Variants in DAB1 observed in about 807,000 individuals in gnomAD.
The protein encoded by DAB1 is DAB adaptor protein 1, also known as disabled homolog 1.
A neutral mutation model predicts 64.6 loss-of-function variants in DAB1; 15 were observed. That is an observed-to-expected ratio of 0.23 (90% CI 0.16 to 0.36). The LOEUF (loss-of-function observed/expected upper bound fraction) is 0.36, where lower values mean the gene tolerates loss of function less well. DAB1 is among the 10% of genes least tolerant of loss of function. The probability of loss-of-function intolerance (pLI) is 1.00; values close to 1 mark genes in which losing one functional copy is unlikely to be tolerated. For missense variants in DAB1, 596 were observed against 706.7 expected (o/e 0.84, Z 1.78); for synonymous variants, 235 against 251.9 (o/e 0.93, Z 0.64).
chr1:57,933,646 C>T (rs12047753), intron 5 of DAB1, among the ~76,000 whole-genome samples: 2 of 152,160 alleles, frequency 1.3e-5, no homozygotes, highest in African/African-American at 4.8e-5. Context: ...AACACATGAT[C>T]TATTTCTAGC....
At chr1:58,317,973 C>T (rs376789520) in intron 4 of DAB1, among the ~76,000 whole-genome samples, 15 of 152,202 alleles carry the variant, frequency 9.9e-5, no homozygotes, top group African/African-American at 3.6e-4. Flanking sequence ...TAATGAGCAG[C>T]ACAATGCCTG....
intron 6 of DAB1, among the ~76,000 whole-genome samples, chr1:57,676,553 G>T (rs902484148): frequency 6.6e-6 from 1 of 152,178 alleles, no homozygotes; most frequent in African/African-American, 2.4e-5. Flanking sequence ...TTGCCCCTGA[G>T]AACTCAACCA....
At chr1:57,133,421 G>A (rs1255916542) in intron 4 of DAB1, among the ~76,000 whole-genome samples, 1 of 152,172 alleles carries the variant, frequency 6.6e-6, no homozygotes, top group Non-Finnish European at 1.5e-5. Context: ...GAACCTCACT[G>A]CCCTTATCTG....
chr1:57,507,789 C>T (rs773999956), intron 7 of DAB1, among the ~76,000 whole-genome samples: 10 of 152,130 alleles, frequency 6.6e-5, no homozygotes, highest in Admixed American at 3.3e-4. Context: ...TCTGAATTTC[C>T]GTGGTCGGTT....
At chr1:58,088,412 C>G (rs1414701974) in intron 5 of DAB1, among the ~76,000 whole-genome samples, 1 of 152,194 alleles carries the variant, frequency 6.6e-6, no homozygotes, top group African/African-American at 2.4e-5. Flanking sequence ...ATTTGCCCAT[C>G]TATTTAAAAA....
chr1:57,417,681 T>A (rs891120456), intron 1 of DAB1, among the ~76,000 whole-genome samples: 2 of 152,210 alleles, frequency 1.3e-5, no homozygotes, highest in African/African-American at 4.8e-5. Context: ...GAACTTATTT[T>A]TCCCTCTGAG....
At chr1:57,108,457 C>T (rs960944764) in intron 4 of DAB1, among the ~76,000 whole-genome samples, 2 of 152,198 alleles carry the variant, frequency 1.3e-5, no homozygotes, top group African/African-American at 4.8e-5. Context: ...TCCTGAACCT[C>T]TAACCAGGCT....
intron 5 of DAB1, among the ~76,000 whole-genome samples, chr1:57,944,697 T>C (rs1645157959): frequency 2.0e-5 from 3 of 152,202 alleles, no homozygotes; most frequent in Non-Finnish European, 4.4e-5. Flanking sequence ...TATCTCTTCA[T>C]GTTAGCGTAA....
chr1:57,091,329 G>A (rs549528), intron 4 of DAB1, among the ~76,000 whole-genome samples: 79,579 of 151,922 alleles, frequency 0.52, 21,266 homozygotes, highest in South Asian at 0.64. Flanking sequence ...GTAGACCCAC[G>A]GAATATAAGA....
intron 4 of DAB1, among the ~76,000 whole-genome samples, chr1:58,181,394 T>G (rs868021709): frequency 6.6e-6 from 1 of 152,148 alleles, no homozygotes; most frequent in Non-Finnish European, 1.5e-5. Context: ...TTATCCAGTC[T>G]GACAATCTGC....
At chr1:57,415,345 C>G (rs1454816213) in intron 1 of DAB1, among the ~76,000 whole-genome samples, 2 of 150,552 alleles carry the variant, frequency 1.3e-5, no homozygotes, top group Non-Finnish European at 3.0e-5. Context: ...AACAATAAAG[C>G]TTTTAGAAGA....
At chr1:57,545,485 C>T (rs953926278) in intron 7 of DAB1, among the ~76,000 whole-genome samples, 1 of 152,188 alleles carries the variant, frequency 6.6e-6, no homozygotes, top group Non-Finnish European at 1.5e-5. Flanking sequence ...GTGCTGGGAA[C>T]TTCCCTCAGT....
Position 57,159,203 on chromosome 1 carries a change from T to G in DAB1, c.68-13774A>C, listed in dbSNP as rs1402950073. Among the ~76,000 whole-genome samples the G allele has an allele frequency of 2.6e-5, 4 of 152,292 alleles. No individual in the cohort carries two copies. The South Asian group carries it at 6.2e-4, about 24-fold the overall frequency. ...TTTTTTCTTCCTCTGGGTCTTTTAT[T>G]GTATTTGAAAAATATATTTTAAGAC... is the stretch of plus-strand genomic sequence containing the variant. On this transcript the variant is annotated intron_variant, in intron 2 of 14. Transcript: ENST00000371236.
chr1:57,881,623 G>A (rs1332259995), intron 1 of DAB1, among the ~76,000 whole-genome samples: 2 of 152,136 alleles, frequency 1.3e-5, no homozygotes, highest in Non-Finnish European at 2.9e-5. Flanking sequence ...GACACAATAC[G>A]TGACATAGCA....
chr1:58,249,991 G>A (rs940394889), intron 4 of DAB1, among the ~76,000 whole-genome samples: 7 of 152,192 alleles, frequency 4.6e-5, no homozygotes, highest in Non-Finnish European at 7.4e-5. Context: ...CGCGGCAGCC[G>A]CTGCCTGGCT....
chr1:57,663,032 T>A (rs1470749562), intron 6 of DAB1, among the ~76,000 whole-genome samples: 1 of 152,176 alleles, frequency 6.6e-6, no homozygotes, highest in Non-Finnish European at 1.5e-5. Context: ...TAAAGAACTA[T>A]CTGAGACTGG....
At chr1:57,057,883 C>T (rs929684299) in intron 9 of DAB1, among the ~76,000 whole-genome samples, 2 of 152,250 alleles carry the variant, frequency 1.3e-5, no homozygotes, top group South Asian at 2.1e-4. Flanking sequence ...GCTGGGATTA[C>T]AGGCATGAGC....
chr1:57,462,110 G>A (rs1455771762), intron 7 of DAB1, among the ~76,000 whole-genome samples: 2 of 151,574 alleles, frequency 1.3e-5, no homozygotes, highest in South Asian at 2.1e-4. Flanking sequence ...CACCACGCCC[G>A]GCTAATTTTT....
intron 1 of DAB1, among the ~76,000 whole-genome samples, chr1:58,533,237 A>G (rs2100479984): frequency 6.6e-6 from 1 of 152,342 alleles, no homozygotes; most frequent in South Asian, 2.1e-4. Flanking sequence ...CTATAAGAAA[A>G]GCGCTGCTAA....
Sources: allele counts gnomAD v4.1 joint callset (sites outside exome capture counted in the v4.1 genomes callset), GRCh38; gene constraint gnomAD v4.1.1; transcripts MANE v1.5; gene names NCBI Gene and HGNC (gene_info 2026-07-23, HGNC 2026-07-21).